CPXM2: variants seen among roughly 807,000 people sequenced by gnomAD.
CPXM2 encodes the protein inactive carboxypeptidase-like protein X2.
In CPXM2, 66 loss-of-function variants were observed where a neutral mutation model predicts 86.1. That is an observed-to-expected ratio of 0.77 (90% CI 0.63 to 0.94). The LOEUF (loss-of-function observed/expected upper bound fraction) is 0.94. Among genes scored for constraint, CPXM2 ranks in the 40% least tolerant of loss-of-function variants. The pLI is 0.00. For missense variants in CPXM2, 948 were observed against 1,026.3 expected (o/e 0.92, Z 1.04); for synonymous variants, 388 against 400.2 (o/e 0.97, Z 0.36).
At chr10:123,896,284 A>C (rs1945337204), upstream of CPXM2, among the ~76,000 whole-genome samples, 1 of 152,230 alleles carries the variant, frequency 6.6e-6, no homozygotes, top group Middle Eastern at 3.2e-3. Flanking sequence ...ATTAGCTGCT[A>C]TATAAAGAAA....
chr10:123,799,975 C>T (rs561177555), intron 4 of CPXM2, among the ~76,000 whole-genome samples: 1 of 151,032 alleles, frequency 6.6e-6, no homozygotes, highest in Admixed American at 6.6e-5. Context: ...GAGTACACCC[C>T]CTCTTTTAAT....
chr10:123,856,948 A>C (rs896656789), intron 3 of CPXM2, among the ~76,000 whole-genome samples: 8 of 152,168 alleles, frequency 5.3e-5, no homozygotes, highest in Admixed American at 1.3e-4. Flanking sequence ...TCAGAATGTT[A>C]ATTTCCAATC....
chr10:123,781,461 C>T (rs188563924), intron 6 of CPXM2, among the ~76,000 whole-genome samples: 1 of 152,202 alleles, frequency 6.6e-6, no homozygotes, highest in African/African-American at 2.4e-5. Context: ...GGTGGCATCT[C>T]TGTCAGGAAG....
chr10:123,831,943 G>A (rs1251537230), intron 4 of CPXM2, among the ~76,000 whole-genome samples: 2 of 147,648 alleles, frequency 1.4e-5, no homozygotes, highest in Non-Finnish European at 3.0e-5. Context: ...GTGGAGGCCG[G>A]GGGTGGGGGG....
chr10:123,916,783 T>C (rs969682592), intron 2 of CPXM2, among the ~76,000 whole-genome samples: 5 of 152,122 alleles, frequency 3.3e-5, no homozygotes, highest in South Asian at 2.1e-4. Flanking sequence ...TCTCTCTTTT[T>C]TTTTTTTCTT....
intron 4 of CPXM2, among the ~76,000 whole-genome samples, chr10:123,833,364 C>T (rs1848208761): frequency 6.6e-6 from 1 of 152,184 alleles, no homozygotes; most frequent in African/African-American, 2.4e-5. Context: ...ACAGATGTGT[C>T]ACAGGAATGT....
intron 3 of CPXM2, among the ~76,000 whole-genome samples, chr10:123,846,813 G>A (rs1237967178): frequency 6.6e-6 from 1 of 152,108 alleles, no homozygotes; most frequent in Non-Finnish European, 1.5e-5. Context: ...CACAAAGCAG[G>A]ACTAAAAACC....
At chr10:123,917,411 C>T (rs750257919) in intron 2 of CPXM2, among the ~76,000 whole-genome samples, 6 of 152,220 alleles carry the variant, frequency 3.9e-5, no homozygotes, top group Non-Finnish European at 7.3e-5. Context: ...ATTGCAAAGA[C>T]ATCAGGGAGT....
intron 2 of CPXM2, among the ~76,000 whole-genome samples, chr10:123,937,348 C>T (rs1945729685): frequency 6.6e-6 from 1 of 152,028 alleles, no homozygotes; most frequent in South Asian, 2.1e-4. Flanking sequence ...CAGGGGGCTT[C>T]CCTCAGCGAT....
chr10:123,775,445 T>G (rs1459140312), intron 7 of CPXM2, among the ~76,000 whole-genome samples: 1 of 152,256 alleles, frequency 6.6e-6, no homozygotes, highest in Non-Finnish European at 1.5e-5. Flanking sequence ...CTTCCTTCAC[T>G]GTTACCCTAA....
At chr10:123,824,196 A>G (rs1161430002) in intron 4 of CPXM2, among the ~76,000 whole-genome samples, 1 of 152,202 alleles carries the variant, frequency 6.6e-6, no homozygotes, top group Non-Finnish European at 1.5e-5. Context: ...TAAAATTGGA[A>G]AGCATTTTGC....
intron 1 of CPXM2, among the ~76,000 whole-genome samples, chr10:123,888,335 C>T (rs945011914): frequency 1.3e-5 from 2 of 152,136 alleles, no homozygotes; most frequent in African/African-American, 4.8e-5. Context: ...GTTATATATG[C>T]TTTTATACTG....
rs775266168 is a variant in CPXM2, at chr10:123,799,115, C to G, written c.738G>C (p.Met246Ile). Residue 246 changes from methionine (M) to isoleucine (I), a missense_variant and splice_region_variant, in exon 5 of 14, where the codon ATG becomes ATC. Coordinates refer to ENST00000241305, the MANE Select transcript of CPXM2 (RefSeq NM_198148.3). ...TGGTTAAATGGAGGATGAGACTCAC[C>G]ATGTCTCCAGATCCATTCTTAACAG... ...WVTVKNGSGD[M>I]IFEGNSEKEI... The G allele has an allele frequency of 1.9e-6, 3 of 1,614,032 alleles. No individual in the cohort carries two copies. Among genetic ancestry groups the G allele is most frequent in the South Asian group, 1.1e-5 (1 of 91,078 alleles).
intron 2 of CPXM2, among the ~76,000 whole-genome samples, chr10:123,936,755 C>G (rs186242465): frequency 2.0e-5 from 3 of 152,340 alleles, no homozygotes; most frequent in Admixed American, 2.0e-4. Flanking sequence ...CTTTCTCTCT[C>G]CCCATACTCC....
intron 1 of CPXM2, among the ~76,000 whole-genome samples, chr10:123,939,841 C>G (rs553380755): frequency 6.6e-6 from 1 of 152,310 alleles, no homozygotes; most frequent in South Asian, 2.1e-4. Flanking sequence ...GGCTCTCTGA[C>G]AGCCAGGCCC....
chr10:123,784,833 T>C (rs1273033857), intron 6 of CPXM2, among the ~76,000 whole-genome samples: 1 of 152,190 alleles, frequency 6.6e-6, no homozygotes, highest in Non-Finnish European at 1.5e-5. Flanking sequence ...CCCGTTCACG[T>C]ACGATTGAGG....
Position 123,766,957 on chromosome 10 carries a change from G to A in CPXM2, c.1479+16C>T, listed in dbSNP as rs758265035. The A allele has an allele frequency of 1.7e-5, 28 of 1,603,122 alleles. 4 individuals are homozygous for A. In the Middle Eastern group the frequency reaches 3.3e-3, roughly 189 times the overall value. On this transcript the variant is annotated intron_variant, in intron 10 of 13. Coordinates refer to ENST00000241305, the MANE Select transcript of CPXM2 (RefSeq NM_198148.3). ...TGCCTTTGGCTGCTTTACAGATGAC[G>A]GGTATTTTGACTCACCGTGGCATTT...
chr10:123,926,742 A>G (rs1305716791), intron 2 of CPXM2, among the ~76,000 whole-genome samples: 2 of 152,228 alleles, frequency 1.3e-5, no homozygotes. Context: ...TGCAATCATG[A>G]GGACTAAAGC....
rs151298867 is a variant in CPXM2, at chr10:123,771,691, A to C, written c.979-652T>G. Among the ~76,000 whole-genome samples the C allele has an allele frequency of 1.5e-3, 225 of 152,284 alleles. 2 individuals carry two copies. Among genetic ancestry groups the C allele is most frequent in the Admixed American group, 0.014 (209 of 15,294 alleles). On this transcript the variant is annotated intron_variant, in intron 7 of 13. Coordinates refer to ENST00000241305, the MANE Select transcript of CPXM2 (RefSeq NM_198148.3). ...TTGGCTGTGTTCCCACCCAAAACTC[A>C]TCTTGAATTATAGTTCCCATAATCC...
Sources: allele counts gnomAD v4.1 joint callset (sites outside exome capture counted in the v4.1 genomes callset), GRCh38; gene constraint gnomAD v4.1.1; transcripts MANE v1.5; gene names NCBI Gene and HGNC (gene_info 2026-07-23, HGNC 2026-07-21).